Variants in ARHGEF28 observed in about 807,000 individuals in gnomAD.
ARHGEF28 encodes 190 kDa guanine nucleotide exchange factor.
Under a neutral mutation model 206.6 loss-of-function variants are expected in ARHGEF28, and 152 were observed. The ratio of observed to expected loss-of-function variants is 0.74; its 90% CI spans 0.64 to 0.84. The LOEUF (loss-of-function observed/expected upper bound fraction) is 0.84, where lower values mean the gene tolerates loss of function less well. Among genes scored for constraint, ARHGEF28 ranks in the 40% least tolerant of loss-of-function variants. ARHGEF28 has a pLI of 0.00. For missense variants in ARHGEF28, 2,028 were observed against 2,073.2 expected (o/e 0.98, Z 0.42); for synonymous variants, 763 against 776.4 (o/e 0.98, Z 0.29).
chr5:73,782,344 CAA>C (rs1460032079), intron 7 of ARHGEF28, among the ~76,000 whole-genome samples: 1 of 152,028 alleles, frequency 6.6e-6, no homozygotes, highest in Non-Finnish European at 1.5e-5. Context: ...GAGGCTGAGA[CAA>C]GAGAATTGCT....
intron 29 of ARHGEF28, among the ~76,000 whole-genome samples, chr5:73,897,242 T>C (rs1162249136): frequency 6.6e-6 from 1 of 152,234 alleles, no homozygotes; most frequent in African/African-American, 2.4e-5. Context: ...TTTATAATGC[T>C]CTAATAATGC....
chr5:73,897,977 T>C lies in ARHGEF28; in HGVS notation c.3857T>C (p.Val1286Ala). 1.3e-6 allele frequency: 2 copies of C among 1,583,538 alleles called. No individual in the cohort carries two copies. The highest frequency in any genetic ancestry group is 1.7e-6 in the Non-Finnish European group (2 of 1,163,914). The change falls in exon 30 of 36, where the codon GTT becomes GCT. Residue 1286 changes from valine to alanine, a missense_variant. Physicochemically the swap from Val to Ala is moderately conservative, Grantham distance 64. Around this residue, in one of 3 missense-constraint regions of ARHGEF28, gnomAD observed 803 missense variants for 768.0 expected, o/e 1.05. Transcript: ENST00000513042. ...TCCATCTTAGCTGAGAGCCTACAAG[T>C]TGCAGTGAAGGCCTCACAGATGGGC... ...AALKEAESLQ[V>A]AVKASQMGAV...
intron 1 of ARHGEF28, among the ~76,000 whole-genome samples, chr5:73,668,721 T>G (rs1305032014): frequency 1.5e-5 from 1 of 68,706 alleles, no homozygotes; most frequent in Non-Finnish European, 3.0e-5. Context: ...TGGTGTTGTC[T>G]CTGAGTAGTT....
chr5:73,879,323 C>T (rs1463811457), intron 22 of ARHGEF28, among the ~76,000 whole-genome samples: 2 of 152,200 alleles, frequency 1.3e-5, no homozygotes, highest in African/African-American at 2.4e-5. Flanking sequence ...GTTATACATT[C>T]GTCTAAATTT....
Position 73,898,032 on chromosome 5 carries a change from T to C in ARHGEF28, c.3912T>C (p.Cys1304=), listed in dbSNP as rs1762056881. The change falls in exon 30 of 36, where the codon TGT becomes TGC. Residue 1304 remains cysteine, a synonymous_variant. Transcript: ENST00000513042. The part of the protein sequence containing the change: ...GAVSQSCEDS[C]GDSVLADTLS... ...TGAGTCAATCATGTGAGGACAGTTG[T>C]GGAGACTCTGTCTTGGCGGACACAC... is the stretch of plus-strand genomic sequence containing the variant. 1.2e-6 allele frequency: 2 copies of C among 1,610,046 alleles called. No homozygotes were observed. The highest frequency in any genetic ancestry group is 4.5e-5 in the East Asian group (2 of 44,786).
intron 1 of ARHGEF28, among the ~76,000 whole-genome samples, chr5:73,642,573 C>T (rs773237908): frequency 5.9e-5 from 9 of 152,062 alleles, no homozygotes; most frequent in South Asian, 2.1e-4. Context: ...ACTTCTCATT[C>T]GGTCACTCCC....
chr5:73,911,876 C>G (rs1430212487), intron 35 of ARHGEF28, among the ~76,000 whole-genome samples: 1 of 152,136 alleles, frequency 6.6e-6, no homozygotes, highest in African/African-American at 2.4e-5. Flanking sequence ...AAAAGTAAAG[C>G]AACTTGATAT....
chr5:73,815,076 T>C (rs1756103057), intron 9 of ARHGEF28, among the ~76,000 whole-genome samples: 1 of 152,134 alleles, frequency 6.6e-6, no homozygotes, highest in Non-Finnish European at 1.5e-5. Context: ...TTATAGATGT[T>C]ATAAGGAACA....
chr5:73,845,538 C>G (rs185467492), intron 11 of ARHGEF28, among the ~76,000 whole-genome samples: 39 of 152,232 alleles, frequency 2.6e-4, no homozygotes, highest in Non-Finnish European at 2.1e-4. Flanking sequence ...AAATCCCCCC[C>G]AGAAGCTTCC....
chr5:73,731,815 T>C (rs1387523776), intron 2 of ARHGEF28, among the ~76,000 whole-genome samples: 1 of 152,180 alleles, frequency 6.6e-6, no homozygotes, highest in African/African-American at 2.4e-5. Context: ...TTCTTTATTA[T>C]GTAAACAGTT....
In ARHGEF28 at chr5:73,893,294, G is replaced by A; in HGVS notation, c.3658+6G>A. On this transcript the variant is annotated splice_donor_region_variant and intron_variant, in intron 28 of 35. Coordinates refer to ENST00000513042, the MANE Select transcript of ARHGEF28 (RefSeq NM_001177693.2). ...CAAAATTCAGCAATGTCAAGGTACA[G>A]TGCAGGCACTTCTGGCTCCCTGGTC... is the stretch of plus-strand genomic sequence containing the variant. The A allele has an allele frequency of 6.5e-7, 1 of 1,539,040 alleles. No homozygotes were observed. The highest frequency in any genetic ancestry group is 2.0e-5 in the Admixed American group (1 of 49,020).
At chr5:73,722,186 G>A (rs1299665324) in intron 2 of ARHGEF28, among the ~76,000 whole-genome samples, 1 of 150,800 alleles carries the variant, frequency 6.6e-6, no homozygotes. Context: ...TCGTGAATAT[G>A]TAACAATAGC....
chr5:73,784,285 A>G (rs116504480), intron 7 of ARHGEF28, among the ~76,000 whole-genome samples: 1,606 of 152,268 alleles, frequency 0.011, 37 homozygotes, highest in African/African-American at 0.036. Context: ...AAAGACTATA[A>G]TAATTCTAGC....
At chr5:73,791,094 A>G (rs1754453047) in intron 7 of ARHGEF28, among the ~76,000 whole-genome samples, 1 of 152,204 alleles carries the variant, frequency 6.6e-6, no homozygotes, top group Non-Finnish European at 1.5e-5. Flanking sequence ...TTGTCTAACC[A>G]TCCACCACAT....
intron 2 of ARHGEF28, among the ~76,000 whole-genome samples, chr5:73,747,833 G>A (rs1017385370): frequency 2.6e-5 from 4 of 152,118 alleles, no homozygotes; most frequent in African/African-American, 7.2e-5. Context: ...GAAGGCAGGC[G>A]TGATGAATTA....
At chr5:73,704,875 G>T (rs1561345635) in intron 2 of ARHGEF28, among the ~76,000 whole-genome samples, 1 of 152,188 alleles carries the variant, frequency 6.6e-6, no homozygotes, top group Non-Finnish European at 1.5e-5. Flanking sequence ...CATCTGAGCA[G>T]AAGTCCCATA....
At chr5:73,911,635 G>A (rs1452351489) in intron 35 of ARHGEF28, 60 bp downstream of exon 35, 1 of 1,477,476 alleles carries the variant, frequency 6.8e-7, no homozygotes, top group East Asian at 2.5e-5. Flanking sequence ...CCTCTGAATG[G>A]TTGGCTCTTG....
At chr5:73,636,663 T>C (rs1366720683) in intron 1 of ARHGEF28, among the ~76,000 whole-genome samples, 1 of 152,166 alleles carries the variant, frequency 6.6e-6, no homozygotes, top group Non-Finnish European at 1.5e-5. Context: ...ATTGTCAGTC[T>C]GAATGTAGCA....
At chr5:73,627,901 C>G (rs550058574) in intron 1 of ARHGEF28, among the ~76,000 whole-genome samples, 1 of 151,260 alleles carries the variant, frequency 6.6e-6, no homozygotes, top group South Asian at 2.1e-4. Flanking sequence ...TTTTTTTTTC[C>G]TTATCAAAAC....
Sources: gnomAD v4.1 joint callset for allele counts (sites outside exome capture counted in the v4.1 genomes callset) on GRCh38, gnomAD v4.1.1 for gene constraint, gnomAD v4.1.1 regional missense constraint, MANE v1.5 for transcripts, NCBI Gene and HGNC (gene_info 2026-07-23, HGNC 2026-07-21) for gene names.